Variants in PRMT8 observed in about 807,000 individuals in gnomAD.
PRMT8 encodes protein arginine methyltransferase 8, also known as protein arginine N-methyltransferase 8.
In PRMT8, 7 loss-of-function variants were observed where a neutral mutation model predicts 47.1. The observed-to-expected ratio is 0.15, with a 90% CI of 0.08 to 0.28. The LOEUF is 0.28. PRMT8 is among the 10% of genes least tolerant of loss of function. The probability of loss-of-function intolerance (pLI) is 1.00; values close to 1 mark genes in which losing one functional copy is unlikely to be tolerated. For synonymous variants in PRMT8, 188 were observed against 186.5 expected, an observed-to-expected ratio of 1.01 and a Z score of -0.07; for missense variants, 237 against 505.4, an observed-to-expected ratio of 0.47 and a Z score of 5.09.
intron 2 of PRMT8, among the ~76,000 whole-genome samples, chr12:3,541,630 G>A (rs1454481476): frequency 1.3e-5 from 2 of 152,148 alleles, no homozygotes; most frequent in Non-Finnish European, 1.5e-5. Flanking sequence ...TGTGCAAATC[G>A]GTTTTCAAAA....
At chr12:3,410,636 A>G (rs1864418511) in intron 1 of PRMT8, among the ~76,000 whole-genome samples, 3 of 151,976 alleles carry the variant, frequency 2.0e-5, no homozygotes, top group Admixed American at 2.0e-4. Context: ...AGCCTCCCAC[A>G]CAGCTGGGAC....
rs1422352782 is a variant in PRMT8 at position 3,568,767 on chromosome 12, C to A, written c.543C>A (p.Ile181=). The A allele has an allele frequency of 1.2e-6, 2 of 1,614,146 alleles. No homozygotes were observed. The highest frequency in any genetic ancestry group is 1.7e-6 in the Non-Finnish European group (2 of 1,180,032). ...AGCTGCCTGTGGAGAAGGTGGACATCATCATCAGCGAGTGGATGGGCTACT... is the reference window on the plus strand; with the variant it reads ...AGCTGCCTGTGGAGAAGGTGGACATAATCATCAGCGAGTGGATGGGCTACT... ...EVELPVEKVD[I]IISEWMGYCL... is the part of the protein sequence containing the mutation. Residue 181 remains isoleucine, a synonymous_variant, in exon 5 of 10, where the codon ATC becomes ATA. Coordinates refer to ENST00000382622, the MANE Select transcript of PRMT8 (RefSeq NM_019854.5).
chr12:3,560,554 A>G (rs116555951), intron 4 of PRMT8, among the ~76,000 whole-genome samples: 1 of 152,230 alleles, frequency 6.6e-6, no homozygotes, highest in Non-Finnish European at 1.5e-5. Flanking sequence ...ATGCTTAAAA[A>G]GGTAGATTCA....
chr12:3,542,854 A>G (rs765610580), intron 2 of PRMT8, among the ~76,000 whole-genome samples: 2 of 152,234 alleles, frequency 1.3e-5, no homozygotes, highest in Admixed American at 6.5e-5. Flanking sequence ...TGTTACCTAC[A>G]GCTTGGCACA....
intron 1 of PRMT8, among the ~76,000 whole-genome samples, chr12:3,388,515 C>G (rs1034954783): frequency 6.6e-6 from 1 of 152,176 alleles, no homozygotes; most frequent in African/African-American, 2.4e-5. Context: ...GAATACCCCT[C>G]ATCAGGTTTT....
In PRMT8 at chr12:3,540,614, CCCCCCCTCCCAG is replaced by C; in HGVS notation, c.91_102del (p.Ser31_Pro34del). 2 of 716,464 alleles carry C rather than the reference CCCCCCCTCCCAG, an allele frequency of 2.8e-6. No individual in the cohort carries two copies. The highest frequency in any genetic ancestry group is 5.0e-6 in the Non-Finnish European group (2 of 402,648). 44.4% of individuals were successfully genotyped at this position (716,464 alleles called of 1,614,324 possible). A position where few individuals can be genotyped will look rare whatever the true frequency, so the allele number is the denominator to read the frequency against. On this transcript the variant is annotated inframe_deletion, in exon 2 of 10. Transcript: ENST00000382622. Reference sequence around the variant, plus strand: ...CCTTCTCTTCCCCTCAGGTGAACAGCCCCCCCTCCCAGCCCCCCCAGCCCGTCGTCCCTGCTA... The same window carrying C: ...CCTTCTCTTCCCCTCAGGTGAACAGCCCCCCCCAGCCCGTCGTCCCTGCTA...
At chr12:3,565,147 G>A (rs1866698475) in intron 4 of PRMT8, among the ~76,000 whole-genome samples, 1 of 152,196 alleles carries the variant, frequency 6.6e-6, no homozygotes, top group South Asian at 2.1e-4. Flanking sequence ...ATTGATGCCA[G>A]CTGTCTCCAC....
intron 1 of PRMT8, among the ~76,000 whole-genome samples, chr12:3,476,286 C>A (rs1454233536): frequency 6.6e-6 from 1 of 152,178 alleles, no homozygotes; most frequent in African/African-American, 2.4e-5. Context: ...CCGCAGAGGT[C>A]TTTAAAACAG....
chr12:3,525,631 A>G (rs1458869405), intron 1 of PRMT8, among the ~76,000 whole-genome samples: 1 of 152,200 alleles, frequency 6.6e-6, no homozygotes, highest in Admixed American at 6.5e-5. Flanking sequence ...AAGAAACCTC[A>G]TGAGTGAGTT....
chr12:3,390,460 C>A (rs531378822), intron 1 of PRMT8, among the ~76,000 whole-genome samples: 6 of 152,242 alleles, frequency 3.9e-5, no homozygotes, highest in African/African-American at 1.4e-4. Context: ...CCAAGTGAGC[C>A]CTCCTTTCCT....
chr12:3,395,561 A>G lies in PRMT8; in HGVS notation c.48+14119A>G, dbSNP rs1298480868. Among the ~76,000 whole-genome samples, 4 of 151,684 alleles carry G rather than the reference A, an allele frequency of 2.6e-5. No individual in the cohort carries two copies. The East Asian group carries it at 7.7e-4, about 29-fold the overall frequency. On this transcript the variant is annotated intron_variant, in intron 1 of 9. Transcript: ENST00000452611. ...TAATCCTGAGTTCTAGTTTGATTGC[A>G]CTGTGGTCTGAGAGATAGTTTGTTA...
At chr12:3,445,717 C>G (rs1048375430) in intron 1 of PRMT8, among the ~76,000 whole-genome samples, 1 of 152,180 alleles carries the variant, frequency 6.6e-6, no homozygotes, top group Non-Finnish European at 1.5e-5. Flanking sequence ...CTAAATATTT[C>G]CGACGCTGGA....
chr12:3,546,595 C>T lies in PRMT8; in HGVS notation c.262-3341C>T, dbSNP rs74892120. Among the ~76,000 whole-genome samples the T allele has an allele frequency of 1.8e-4, 27 of 152,226 alleles. No individual in the cohort carries two copies. The East Asian group carries it at 5.2e-3, about 29-fold the overall frequency. On this transcript the variant is annotated intron_variant, in intron 2 of 9. Transcript: ENST00000382622. ...CATTTTACATAAAATGGATACATGC[C>T]TTGAAAAAATACCTTGTCAAAACTG...
intron 1 of PRMT8, among the ~76,000 whole-genome samples, chr12:3,496,214 A>ATATATATATATATATAT: frequency 1.8e-4 from 5 of 27,774 alleles, no homozygotes; most frequent in Non-Finnish European, 1.6e-4. Context: ...ATATATATAT[A>ATATATATATATATATAT]TTTTTTTTTT....
chr12:3,497,921 C>T (rs777318626), intron 1 of PRMT8, among the ~76,000 whole-genome samples: 5 of 152,186 alleles, frequency 3.3e-5, no homozygotes, highest in Admixed American at 1.3e-4. Flanking sequence ...AGAGCTCTTC[C>T]GTGTTGGGGT....
chr12:3,528,449 G>C (rs546555742), intron 1 of PRMT8, among the ~76,000 whole-genome samples: 2 of 151,988 alleles, frequency 1.3e-5, no homozygotes, highest in East Asian at 1.9e-4. Context: ...ACCTCAATCA[G>C]TGTATTTCCT....
Position 3,492,931 on chromosome 12 carries a change from G to C in PRMT8, c.75+1231G>C, listed in dbSNP as rs183430525. ...GGGGCGGGGATGGGGGTGTGGCGCG[G>C]GGATTGTCCCTCTGTCTTGCCGGAA... On this transcript the variant is annotated intron_variant, in intron 1 of 9. Coordinates refer to ENST00000382622, the MANE Select transcript of PRMT8 (RefSeq NM_019854.5). This position sits in a 1 kb window ranked among gnomAD's most constrained non-coding sequence, Gnocchi z 7.5. Among the ~76,000 whole-genome samples the C allele has an allele frequency of 7.2e-5, 11 of 152,158 alleles. No individual in the cohort carries two copies. The highest frequency in any genetic ancestry group is 2.7e-4 in the African/African-American group (11 of 41,508).
intron 4 of PRMT8, among the ~76,000 whole-genome samples, chr12:3,567,792 G>A (rs1330124542): frequency 2.6e-5 from 4 of 152,174 alleles, no homozygotes; most frequent in Non-Finnish European, 4.4e-5. Flanking sequence ...AACACACATT[G>A]GCTGGCTGTG....
At chr12:3,581,599 G>T (rs971813606) in intron 7 of PRMT8, among the ~76,000 whole-genome samples, 1 of 152,118 alleles carries the variant, frequency 6.6e-6, no homozygotes, top group African/African-American at 2.4e-5. Flanking sequence ...CTTGACCAAG[G>T]GCTCACCATT....
Sources: allele counts gnomAD v4.1 joint callset (sites outside exome capture counted in the v4.1 genomes callset), GRCh38; gene constraint gnomAD v4.1.1; non-coding constraint Gnocchi (gnomAD v3.1); transcripts MANE v1.5; gene names NCBI Gene and HGNC (gene_info 2026-07-23, HGNC 2026-07-21).